Variants in TEAD1 observed in about 807,000 individuals in gnomAD.
The protein encoded by TEAD1 is TEA domain transcription factor 1.
TEAD1 carries 9 observed loss-of-function variants against 54.9 expected under a neutral mutation model. The observed-to-expected ratio is 0.16, with a 90% CI of 0.10 to 0.29. The LOEUF is 0.29. Ranked by LOEUF, TEAD1 falls within the 10% of genes least tolerant of loss-of-function variation. TEAD1 has a pLI of 1.00. For synonymous variants in TEAD1, 200 were observed against 187.8 expected, an observed-to-expected ratio of 1.07 and a Z score of -0.53; for missense variants, 387 against 535.9, an observed-to-expected ratio of 0.72 and a Z score of 2.74.
chr11:12,885,673 T>C (rs1948072777), intron 9 of TEAD1, among the ~76,000 whole-genome samples: 1 of 152,196 alleles, frequency 6.6e-6, no homozygotes, highest in South Asian at 2.1e-4. Context: ...GTTAAAATAC[T>C]ATGGAATCAT....
chr11:12,840,147 T>G (rs1295103210), intron 3 of TEAD1, among the ~76,000 whole-genome samples: 3 of 149,908 alleles, frequency 2.0e-5, no homozygotes, highest in Non-Finnish European at 4.4e-5. Flanking sequence ...CTTGGGAGGC[T>G]GAGGCAGAAG....
chr11:12,924,053 C>T (rs896594681), intron 10 of TEAD1, among the ~76,000 whole-genome samples: 12 of 152,182 alleles, frequency 7.9e-5, no homozygotes, highest in African/African-American at 2.2e-4. Flanking sequence ...CTACAAAATA[C>T]AATCTAAACT....
chr11:12,822,195 C>T (rs539698144), intron 3 of TEAD1, among the ~76,000 whole-genome samples: 1 of 152,166 alleles, frequency 6.6e-6, no homozygotes, highest in Admixed American at 6.5e-5. Context: ...GATCTCCTGA[C>T]CCATTATCCG....
chr11:12,871,961 C>T (rs902484366), intron 5 of TEAD1, among the ~76,000 whole-genome samples: 4 of 152,232 alleles, frequency 2.6e-5, no homozygotes, highest in African/African-American at 7.2e-5. Context: ...GTCCAGTCGC[C>T]GGTGACTAAT....
intron 2 of TEAD1, among the ~76,000 whole-genome samples, chr11:12,756,283 G>C (rs530935597): frequency 1.4e-4 from 22 of 152,344 alleles, no homozygotes; most frequent in Non-Finnish European, 2.8e-4. Context: ...ACTGGCTGCT[G>C]CTGTCGTTGT....
chr11:12,799,854 T>G lies in TEAD1; in HGVS notation c.202+35420T>G, dbSNP rs866695325. 3.9e-5 allele frequency among the ~76,000 whole-genome samples: 6 copies of G among 152,318 alleles called. No individual in the cohort carries two copies. The Middle Eastern group carries it at 0.017, about 432-fold the overall frequency. On this transcript the variant is annotated intron_variant, in intron 3 of 12. Coordinates refer to ENST00000527636, the MANE Select transcript of TEAD1 (RefSeq NM_021961.6). Reference sequence around the variant, plus strand: ...TGTAGTGTTTTGCTTTTTTTTAAACTTATATCCCAAGCCTGTATGGTAGAA... The same window carrying G: ...TGTAGTGTTTTGCTTTTTTTTAAACGTATATCCCAAGCCTGTATGGTAGAA...
chr11:12,836,537 GT>G (rs1203601529), intron 3 of TEAD1, among the ~76,000 whole-genome samples: 1 of 152,158 alleles, frequency 6.6e-6, no homozygotes, highest in Non-Finnish European at 1.5e-5. Flanking sequence ...GAATCGTTAT[GT>G]TGCGAGCATG....
intron 2 of TEAD1, among the ~76,000 whole-genome samples, chr11:12,748,669 C>T (rs1286875947): frequency 6.6e-6 from 1 of 152,106 alleles, no homozygotes; most frequent in African/African-American, 2.4e-5. Context: ...AGCTGGGAAT[C>T]TCTATGTTTA....
At chr11:12,737,368 C>T (rs1405562147) in intron 2 of TEAD1, among the ~76,000 whole-genome samples, 1 of 151,166 alleles carries the variant, frequency 6.6e-6, no homozygotes, top group Admixed American at 6.6e-5. Flanking sequence ...CCTCAGATAT[C>T]TTTTACCTGT....
intron 3 of TEAD1, among the ~76,000 whole-genome samples, chr11:12,853,013 T>G (rs949425872): frequency 5.9e-5 from 9 of 152,196 alleles, no homozygotes; most frequent in African/African-American, 2.2e-4. Flanking sequence ...TTGTTTCACT[T>G]TATAATATTG....
chr11:12,783,880 T>C (rs990951157), intron 3 of TEAD1, among the ~76,000 whole-genome samples: 3 of 152,046 alleles, frequency 2.0e-5, no homozygotes, highest in African/African-American at 7.2e-5. Flanking sequence ...GGCAAGGATG[T>C]TCGAACAGTA....
chr11:12,713,543 A>G (rs80047276), intron 2 of TEAD1, among the ~76,000 whole-genome samples: 1,776 of 152,336 alleles, frequency 0.012, 34 homozygotes, highest in African/African-American at 0.041. Context: ...CCTGTAGAAC[A>G]TTTTGGTGTT....
chr11:12,934,408 A>T (rs11022562), intron 12 of TEAD1, among the ~76,000 whole-genome samples: 1 of 151,810 alleles, frequency 6.6e-6, no homozygotes, highest in Non-Finnish European at 1.5e-5. Flanking sequence ...GTAGAGGGGG[A>T]AGGGATAGCA....
At chr11:12,729,269 G>T (rs1437810716) in intron 2 of TEAD1, among the ~76,000 whole-genome samples, 1 of 152,236 alleles carries the variant, frequency 6.6e-6, no homozygotes, top group East Asian at 1.9e-4. Context: ...CTTGCTGCTT[G>T]AGGGTAGTCT....
At chr11:12,718,039 GGTAGAGGAGGAAGAGTGGTTT>G (rs1944102040) in intron 2 of TEAD1, among the ~76,000 whole-genome samples, 1 of 152,182 alleles carries the variant, frequency 6.6e-6, no homozygotes, top group Non-Finnish European at 1.5e-5. Flanking sequence ...TGGTGGTGAA[GGTAGAGGAGGAAGAGTGGTTT>G]TCTTAGCCTC....
intron 2 of TEAD1, among the ~76,000 whole-genome samples, chr11:12,743,122 T>C (rs1944678808): frequency 6.6e-6 from 1 of 152,206 alleles, no homozygotes; most frequent in Non-Finnish European, 1.5e-5. Context: ...TGATAGAAGA[T>C]AGACAAAAAC....
In TEAD1 at chr11:12,725,591, C is replaced by T. The variant is rs111520107; in HGVS notation, c.-54-38588C>T. ...AAATATCACATGCACCTCATAAATA[C>T]GTAAAGTATTACGTATCAGTTAAAA... is the stretch of plus-strand genomic sequence containing the variant. On this transcript the variant is annotated intron_variant, in intron 2 of 12. Coordinates refer to ENST00000527636, the MANE Select transcript of TEAD1 (RefSeq NM_021961.6). Among the ~76,000 whole-genome samples, 219 of 148,252 alleles carry T rather than the reference C, an allele frequency of 1.5e-3. 1 individual carries two copies. The highest frequency in any genetic ancestry group is 3.3e-3 in the South Asian group (15 of 4,494).
At chr11:12,719,534 C>A (rs1395796791) in intron 2 of TEAD1, among the ~76,000 whole-genome samples, 1 of 131,958 alleles carries the variant, frequency 7.6e-6, no homozygotes, top group Non-Finnish European at 1.5e-5. Context: ...CTTTCCAGCA[C>A]ATTGCTGACT....
chr11:12,881,419 A>T (rs10766002), intron 7 of TEAD1, among the ~76,000 whole-genome samples: 3 of 151,944 alleles, frequency 2.0e-5, no homozygotes, highest in Non-Finnish European at 2.9e-5. Context: ...CTGTAGTAGG[A>T]TGGCTAGTAG....
Sources: gnomAD v4.1 joint callset for allele counts (sites outside exome capture counted in the v4.1 genomes callset) on GRCh38, gnomAD v4.1.1 for gene constraint, MANE v1.5 for transcripts, NCBI Gene and HGNC (gene_info 2026-07-23, HGNC 2026-07-21) for gene names.